TMX1: variants seen among roughly 807,000 people sequenced by gnomAD.
The protein encoded by TMX1 is thioredoxin-related transmembrane protein 1.
Under a neutral mutation model 36.6 loss-of-function variants are expected in TMX1, and 25 were observed. That is an observed-to-expected ratio of 0.68 (90% confidence interval 0.50 to 0.95). The LOEUF (loss-of-function observed/expected upper bound fraction) is 0.95, where lower values mean the gene tolerates loss of function less well. Ranked by LOEUF, TMX1 falls within the 40% of genes least tolerant of loss-of-function variation. The pLI, the probability that TMX1 is intolerant of heterozygous loss-of-function variation, is 0.00. For synonymous variants in TMX1, 133 were observed against 118.0 expected, an observed-to-expected ratio of 1.13 and a Z score of -0.82; for missense variants, 347 against 339.6, an observed-to-expected ratio of 1.02 and a Z score of -0.17.
intron 2 of TMX1, 144 bp downstream of exon 2, chr14:51,244,115 C>T (rs2065774919): frequency 1.7e-6 from 1 of 580,908 alleles, no homozygotes; most frequent in Non-Finnish European, 2.8e-6. Flanking sequence ...CTGACTTGTC[C>T]ACCTCCCTGC....
chr14:51,247,423 C>G (rs2065791131), intron 4 of TMX1, among the ~76,000 whole-genome samples: 3 of 132,562 alleles, frequency 2.3e-5, no homozygotes, highest in African/African-American at 8.6e-5. Context: ...GTGGCGCAAT[C>G]TCGGCTCACT....
chr14:51,249,669 TTC>T, intron 6 of TMX1, 22 bp from the exon 7 acceptor site: 1 of 1,606,810 alleles, frequency 6.2e-7, no homozygotes, highest in Non-Finnish European at 8.5e-7. Context: ...ACATTCAGAT[TTC>T]TTACAATGTT....
chr14:51,255,393 G>GTTTTTTTT lies in TMX1; in HGVS notation c.*882_*889dup, dbSNP rs57089405. On this transcript the variant is annotated 3_prime_UTR_variant, in exon 8 of 8. Coordinates refer to ENST00000457354, the MANE Select transcript of TMX1 (RefSeq NM_030755.5). ...TCTTGCTGAACTTCAACTTGAAATT[G>GTTTTTTTT]TTTTTTTTTTTTTTTCTTTTTGGAT... The GTTTTTTTT allele has an allele frequency of 3.5e-5, 5 of 141,600 alleles. No homozygotes were observed. Among genetic ancestry groups the GTTTTTTTT allele is most frequent in the Non-Finnish European group, 4.6e-5 (3 of 64,828 alleles). 8.8% of individuals were successfully genotyped at this position (141,600 alleles called of 1,614,324 possible).
chr14:51,244,704 T>A (rs2065777497), intron 2 of TMX1, among the ~76,000 whole-genome samples: 1 of 152,176 alleles, frequency 6.6e-6, no homozygotes, highest in South Asian at 2.1e-4. Context: ...CGCTTGCCTA[T>A]TATAGCACTC....
intron 7 of TMX1, among the ~76,000 whole-genome samples, chr14:51,251,129 A>T (rs2065810631): frequency 6.6e-6 from 1 of 152,252 alleles, no homozygotes. Context: ...GATACAAAAG[A>T]TAGATATATA....
At position 51,249,760 on chromosome 14, in the gene TMX1, C is replaced by A. The variant is rs764723456; in HGVS notation, c.659C>A (p.Pro220His). The change falls in exon 7 of 8, where the codon CCT becomes CAT. Residue 220 changes from proline to histidine, a missense_variant. Physicochemically the swap from Pro to His is moderately conservative, Grantham distance 77 (BLOSUM62 -2). Transcript: ENST00000457354. ...KRRRPQPYPY[P>H]SKKLLSESAQ... ...CGCAGACCACAGCCGTACCCATACC[C>A]TTCAAGTAAGTATATTTTAAAATGT... 3.1e-6 allele frequency: 5 copies of A among 1,601,690 alleles called. No individual in the cohort carries two copies. In the South Asian group the frequency reaches 5.6e-5, roughly 18 times the overall value.
At chr14:51,247,886 T>G (rs549197425) in intron 4 of TMX1, among the ~76,000 whole-genome samples, 2 of 152,314 alleles carry the variant, frequency 1.3e-5, no homozygotes, top group South Asian at 4.1e-4. Context: ...GGCTCAAACT[T>G]GTACTCATGC....
chr14:51,248,126 A>G (rs1013337174), intron 4 of TMX1, among the ~76,000 whole-genome samples: 4 of 152,262 alleles, frequency 2.6e-5, no homozygotes, highest in African/African-American at 9.6e-5. Context: ...TCTAGAGGGT[A>G]GATGAATTTC....
chr14:51,250,255 CTTGTAA>C, intron 7 of TMX1, among the ~76,000 whole-genome samples: 1 of 152,136 alleles, frequency 6.6e-6, no homozygotes, highest in Non-Finnish European at 1.5e-5. Context: ...ATTTACCAAT[CTTGTAA>C]TTGTACTGTT....
At chr14:51,246,381 TG>T (rs1349394533) in intron 3 of TMX1, among the ~76,000 whole-genome samples, 1 of 152,224 alleles carries the variant, frequency 6.6e-6, no homozygotes, top group African/African-American at 2.4e-5. Flanking sequence ...CTTTGTGTTT[TG>T]GGGTGGGGGG....
rs1479413953 is a variant in TMX1, at chr14:51,254,305, A to C, written c.665-36A>C. On this transcript the variant is annotated intron_variant, in intron 7 of 7. Transcript: ENST00000457354. ...TTTTACTCTAAAGCAAATCTAATAC[A>C]TCAACAAAAATACATTTTTGGTCTT... 1.9e-6 allele frequency: 3 copies of C among 1,554,338 alleles called. No individual in the cohort carries two copies. The South Asian group carries it at 3.8e-5, about 20-fold the overall frequency.
chr14:51,249,506 A>C lies in TMX1; in HGVS notation c.528A>C (p.Pro176=). 6.2e-7 allele frequency: 1 copy of C among 1,613,436 alleles called. No individual in the cohort carries two copies. Among genetic ancestry groups the C allele is most frequent in the South Asian group, 1.1e-5 (1 of 90,962 alleles). ...HNYFIEDLGL[P]VWGSYTVFAL... ...ACTTTATTGAAGACCTTGGATTGCC[A>C]GTGTGGGGATCATATACTGTTTTTG... Residue 176 remains proline, a synonymous_variant, in exon 6 of 8, where the codon CCA becomes CCC. Transcript: ENST00000457354.
chr14:51,247,846 A>G (rs549514726), intron 4 of TMX1, among the ~76,000 whole-genome samples: 27 of 152,336 alleles, frequency 1.8e-4, no homozygotes, highest in African/African-American at 5.8e-4. Flanking sequence ...GGGTAAAGCT[A>G]TCACTCGAGT....
At position 51,255,964 on chromosome 14, in the gene TMX1, G is replaced by C. The variant is rs3088089; in HGVS notation, c.*1445G>C. On this transcript the variant is annotated 3_prime_UTR_variant, in exon 8 of 8. Transcript: ENST00000457354. ...TTAGAATTTAAAATATTGTACCATT[G>C]AAGAGTTTGGATGTGTAACTTGTGA... 6.6e-6 allele frequency: 1 copy of C among 152,428 alleles called. No homozygotes were observed. Among genetic ancestry groups the C allele is most frequent in the Admixed American group, 6.5e-5 (1 of 15,280 alleles). 9.4% of individuals were successfully genotyped at this position (152,428 alleles called of 1,614,324 possible).
At chr14:51,249,869 A>C (rs1242438025) in intron 7 of TMX1, 104 bp downstream of exon 7, 2 of 836,084 alleles carry the variant, frequency 2.4e-6, no homozygotes, top group South Asian at 1.9e-5. Context: ...TTAGAATTCT[A>C]ACTGTGGATT....
At chr14:51,241,600 C>A (rs549296743) in intron 1 of TMX1, among the ~76,000 whole-genome samples, 1 of 152,146 alleles carries the variant, frequency 6.6e-6, no homozygotes, top group Non-Finnish European at 1.5e-5. Flanking sequence ...AAGTGGCGTA[C>A]GCTACCCAGG....
chr14:51,255,552 A>G lies in TMX1; in HGVS notation c.*1033A>G, dbSNP rs1158353835. On this transcript the variant is annotated 3_prime_UTR_variant, in exon 8 of 8. Coordinates refer to ENST00000457354, the MANE Select transcript of TMX1 (RefSeq NM_030755.5). ...AAGCATCTTCTTGTATATGTCTTAAATGTATTTTTGTCCTCATATACAGAA... is the reference window on the plus strand; with the variant it reads ...AAGCATCTTCTTGTATATGTCTTAAGTGTATTTTTGTCCTCATATACAGAA... 1 of 152,032 alleles carries G rather than the reference A, an allele frequency of 6.6e-6. No individual in the cohort carries two copies. The highest frequency in any genetic ancestry group is 1.5e-5 in the Non-Finnish European group (1 of 67,914). 9.4% of individuals were successfully genotyped at this position (152,032 alleles called of 1,614,324 possible). A position where few individuals can be genotyped will look rare whatever the true frequency, so the allele number is the denominator to read the frequency against.
At position 51,257,252 on chromosome 14, in the gene TMX1, A is replaced by G. The variant is rs1458610727; in HGVS notation, c.*2733A>G. ...TGCATAAAGTAAGTTATTGCAGTAA[A>G]TGATGCTTTAGAAAGCAATTTTCTC... On this transcript the variant is annotated 3_prime_UTR_variant, in exon 8 of 8. Coordinates refer to ENST00000457354, the MANE Select transcript of TMX1 (RefSeq NM_030755.5). 6.6e-6 allele frequency: 1 copy of G among 152,232 alleles called. No individual in the cohort carries two copies. The highest frequency in any genetic ancestry group is 2.4e-5 in the African/African-American group (1 of 41,458). The allele number at this position is 152,232 out of a possible 1,614,324, so 9.4% of individuals were successfully genotyped here. A position where few individuals can be genotyped will look rare whatever the true frequency, so the allele number is the denominator to read the frequency against.
intron 1 of TMX1, among the ~76,000 whole-genome samples, chr14:51,240,651 C>T (rs1224837171): frequency 6.6e-6 from 1 of 152,160 alleles, no homozygotes; most frequent in Non-Finnish European, 1.5e-5. Context: ...TGTTAAGTTT[C>T]TTCTGGGGTG....
Sources: allele counts gnomAD v4.1 joint callset (sites outside exome capture counted in the v4.1 genomes callset), GRCh38; gene constraint gnomAD v4.1.1; transcripts MANE v1.5; gene names NCBI Gene and HGNC (gene_info 2026-07-23, HGNC 2026-07-21).